The following RAD51B variants were observed in gnomAD, a reference collection of about 807,000 sequenced individuals.
The protein encoded by RAD51B is RAD51 paralog B.
Under a neutral mutation model 42.2 loss-of-function variants are expected in RAD51B, and 38 were observed. The observed-to-expected ratio is 0.90, with a 90% CI of 0.70 to 1.18. The LOEUF is 1.18. Ranked by LOEUF, RAD51B falls within the 50% of genes most tolerant of loss-of-function variation. The pLI is 0.00. For missense variants in RAD51B, 373 were observed against 400.7 expected, an observed-to-expected ratio of 0.93 and a Z score of 0.59; for synonymous variants, 154 against 145.2, an observed-to-expected ratio of 1.06 and a Z score of -0.43.
intron 10 of RAD51B, among the ~76,000 whole-genome samples, chr14:68,592,253 ATGTGTG>A (rs55833641): frequency 3.0e-3 from 424 of 140,008 alleles, no homozygotes; most frequent in African/African-American, 5.8e-3. Context: ...GTAGGCAATG[ATGTGTG>A]TGTGTGTGTG....
intron 7 of RAD51B, among the ~76,000 whole-genome samples, chr14:68,145,170 C>T (rs1255925756): frequency 2.0e-5 from 3 of 152,180 alleles, no homozygotes; most frequent in Non-Finnish European, 4.4e-5. Context: ...AGACCAAGGT[C>T]ACACACATGC....
intron 8 of RAD51B, among the ~76,000 whole-genome samples, chr14:68,371,384 G>A (rs1356292803): frequency 6.6e-6 from 1 of 152,200 alleles, no homozygotes; most frequent in Non-Finnish European, 1.5e-5. Context: ...TGGGCGTGGT[G>A]GTGCATGCCT....
At chr14:68,446,991 C>T (rs1041016414) in intron 9 of RAD51B, among the ~76,000 whole-genome samples, 16 of 152,204 alleles carry the variant, frequency 1.1e-4, no homozygotes, top group Admixed American at 3.9e-4. Context: ...CCGAGGCGGG[C>T]GGATCACCTG....
chr14:68,202,007 C>G (rs1231083807), intron 7 of RAD51B, among the ~76,000 whole-genome samples: 2 of 152,124 alleles, frequency 1.3e-5, no homozygotes, highest in African/African-American at 4.8e-5. Flanking sequence ...TGGAGAAAAA[C>G]TGAATATTGT....
Position 68,092,493 on chromosome 14 carries a change from C to G in RAD51B, c.757-199391C>G, listed in dbSNP as rs184010558. Reference sequence around the variant, plus strand: ...ATGGGAGTTCACTCATGATTTGGCTCTCTGTTTGTCCGTTATTGGTGTATA... The same window carrying G: ...ATGGGAGTTCACTCATGATTTGGCTGTCTGTTTGTCCGTTATTGGTGTATA... On this transcript the variant is annotated intron_variant, in intron 7 of 10. Coordinates refer to ENST00000471583, the MANE Select transcript of RAD51B (RefSeq NM_133510.4). Among the ~76,000 whole-genome samples, 6 of 152,264 alleles carry G rather than the reference C, an allele frequency of 3.9e-5. No homozygotes were observed. The South Asian group carries it at 1.2e-3, about 32-fold the overall frequency.
intron 5 of RAD51B, among the ~76,000 whole-genome samples, chr14:67,882,975 C>A (rs1319557263): frequency 1.3e-5 from 2 of 152,168 alleles, no homozygotes; most frequent in Non-Finnish European, 2.9e-5. Flanking sequence ...GAACTCCTGA[C>A]CTCAGGTGAT....
chr14:68,636,057 C>T (rs1283083232), intron 10 of RAD51B, among the ~76,000 whole-genome samples: 5 of 152,142 alleles, frequency 3.3e-5, no homozygotes, highest in African/African-American at 7.2e-5. Context: ...GGCCTCCAGC[C>T]GTGAGTGCTT....
At chr14:68,272,667 T>A (rs10148106) in intron 7 of RAD51B, among the ~76,000 whole-genome samples, 301 of 4,634 alleles carry the variant, frequency 0.065, 2 homozygotes, top group East Asian at 0.18. Flanking sequence ...ATATATATAT[T>A]TTTTTTTTTT....
chr14:68,230,626 A>G (rs1280489902), intron 7 of RAD51B, among the ~76,000 whole-genome samples: 1 of 152,328 alleles, frequency 6.6e-6, no homozygotes, highest in South Asian at 2.1e-4. Context: ...TGTCTACTAC[A>G]AAATCTGTTC....
intron 7 of RAD51B, among the ~76,000 whole-genome samples, chr14:68,102,400 A>G (rs1466165271): frequency 6.6e-6 from 1 of 152,166 alleles, no homozygotes; most frequent in East Asian, 1.9e-4. Context: ...ATAGATTCCA[A>G]TGCCAAACCA....
chr14:67,878,644 G>A (rs2042805910), intron 5 of RAD51B, among the ~76,000 whole-genome samples: 1 of 152,046 alleles, frequency 6.6e-6, no homozygotes, highest in African/African-American at 2.4e-5. Context: ...AAAATTTAAA[G>A]AATATTTAAC....
chr14:68,137,712 C>G (rs923393528), intron 7 of RAD51B, among the ~76,000 whole-genome samples: 2 of 152,148 alleles, frequency 1.3e-5, no homozygotes, highest in African/African-American at 4.8e-5. Flanking sequence ...GGTGTTCATG[C>G]AATTGCTGAG....
At chr14:68,328,507 A>G (rs2082288595) in intron 8 of RAD51B, among the ~76,000 whole-genome samples, 1 of 152,190 alleles carries the variant, frequency 6.6e-6, no homozygotes, top group South Asian at 2.1e-4. Context: ...CTTGACAGCC[A>G]TGAGGAGACA....
At chr14:68,264,139 A>G (rs557016759) in intron 7 of RAD51B, among the ~76,000 whole-genome samples, 13 of 152,124 alleles carry the variant, frequency 8.5e-5, no homozygotes, top group African/African-American at 2.7e-4. Context: ...AGCTCTAGGA[A>G]CTCCTATTGC....
chr14:68,180,304 T>C (rs1366129096), intron 7 of RAD51B, among the ~76,000 whole-genome samples: 3 of 152,160 alleles, frequency 2.0e-5, no homozygotes, highest in Non-Finnish European at 4.4e-5. Context: ...CCAAACGTGT[T>C]TATCCTACAG....
chr14:68,052,036 A>G (rs566814092), intron 7 of RAD51B, among the ~76,000 whole-genome samples: 3 of 152,208 alleles, frequency 2.0e-5, no homozygotes, highest in Non-Finnish European at 2.9e-5. Flanking sequence ...GGCACATTAC[A>G]TGTAATAACC....
intron 7 of RAD51B, among the ~76,000 whole-genome samples, chr14:68,024,569 A>G (rs1387638774): frequency 6.6e-6 from 1 of 151,980 alleles, no homozygotes; most frequent in Admixed American, 6.6e-5. Flanking sequence ...GGTTTGATGT[A>G]TTCTTAGGTA....
chr14:67,998,359 C>T (rs1595230479), intron 7 of RAD51B, among the ~76,000 whole-genome samples: 1 of 152,146 alleles, frequency 6.6e-6, no homozygotes, highest in African/African-American at 2.4e-5. Context: ...TCATCAGAAT[C>T]GTCTATTTCG....
chr14:68,644,588 T>C (rs1385079805), intron 10 of RAD51B, among the ~76,000 whole-genome samples: 4 of 152,228 alleles, frequency 2.6e-5, no homozygotes, highest in Non-Finnish European at 4.4e-5. Flanking sequence ...ACACTGAATG[T>C]TGCTCTCCTT....
Sources: gnomAD v4.1 joint callset for allele counts (sites outside exome capture counted in the v4.1 genomes callset) on GRCh38, gnomAD v4.1.1 for gene constraint, MANE v1.5 for transcripts, NCBI Gene and HGNC (gene_info 2026-07-23, HGNC 2026-07-21) for gene names.